PFKP: variants seen among roughly 807,000 people sequenced by gnomAD.
PFKP encodes ATP-dependent 6-phosphofructokinase, platelet type.
PFKP carries 101 observed loss-of-function variants against 94.3 expected under a neutral mutation model. The observed-to-expected ratio is 1.07, with a 90% CI of 0.91 to 1.26. PFKP has a LOEUF of 1.26. Among genes scored for constraint, PFKP ranks in the 50% most tolerant of loss-of-function variants. The probability of loss-of-function intolerance (pLI) is 0.00; values close to 1 mark genes in which losing one functional copy is unlikely to be tolerated. For missense variants in PFKP, 1,145 were observed against 1,103.3 expected (o/e 1.04, Z -0.53); for synonymous variants, 573 against 432.6 (o/e 1.32, Z -4.03).
Position 3,068,985 on chromosome 10 carries a change from C to T in PFKP, c.112+1278C>T, listed in dbSNP as rs1447270721. Among the ~76,000 whole-genome samples, 19 of 151,758 alleles carry T rather than the reference C, an allele frequency of 1.3e-4. No individual in the cohort carries two copies. In the East Asian group the frequency reaches 3.3e-3, roughly 27 times the overall value. On this transcript the variant is annotated intron_variant, in intron 1 of 21. Transcript: ENST00000381125. ...GACCTTCCCTTCGCCCTTGAGCGCG[C>T]GGGGCGGGCGCGGGTGCCGCAGGTT...
At chr10:3,069,623 T>G (rs1288465905) in intron 1 of PFKP, among the ~76,000 whole-genome samples, 1 of 152,142 alleles carries the variant, frequency 6.6e-6, no homozygotes. Context: ...TGGCTCATGC[T>G]TGTCATCCCA....
At chr10:3,111,776 G>A (rs924905901) in intron 10 of PFKP, among the ~76,000 whole-genome samples, 2 of 151,946 alleles carry the variant, frequency 1.3e-5, no homozygotes, top group African/African-American at 4.8e-5. Flanking sequence ...CTGCTCCCCC[G>A]CCCGCTGTGA....
At chr10:3,100,862 C>CAAAATA (rs754923021) in intron 3 of PFKP, 42 of 657,248 alleles carry the variant, frequency 6.4e-5, no homozygotes, top group African/African-American at 2.7e-4. Context: ...GTATGTGGTG[C>CAAAATA]AAAAAAAAAA....
intron 5 of PFKP, chr10:3,104,884 A>G (rs1477782527): frequency 4.9e-6 from 3 of 607,628 alleles, no homozygotes; most frequent in East Asian, 2.8e-5. Context: ...GAGAGCGCAG[A>G]GGTGGCTCAA....
chr10:3,110,343 T>C (rs1000980300), intron 10 of PFKP, among the ~76,000 whole-genome samples: 4 of 148,530 alleles, frequency 2.7e-5, no homozygotes, highest in Admixed American at 6.8e-5. Context: ...GGACTACAGG[T>C]GCCCACCACC....
Position 3,122,058 on chromosome 10 carries a change from A to G in PFKP, c.1683+2014A>G, listed in dbSNP as rs189897314. 2.8e-3 allele frequency among the ~76,000 whole-genome samples: 392 copies of G among 140,340 alleles called. 6 individuals are homozygous for G. The highest frequency in any genetic ancestry group is 0.023 in the Admixed American group (326 of 14,004). 92.1% of individuals were successfully genotyped at this position (140,340 alleles called of 152,430 possible). ...GCTGGTCTCAAAACGTCTGGGCTCA[A>G]GCAATCCCCCTGTCTTGGGCTCTCA... is the stretch of plus-strand genomic sequence containing the variant. On this transcript the variant is annotated intron_variant, in intron 16 of 21. Transcript: ENST00000381125.
intron 16 of PFKP, among the ~76,000 whole-genome samples, chr10:3,126,309 G>T (rs1217530333): frequency 1.3e-5 from 2 of 152,228 alleles, no homozygotes; most frequent in Non-Finnish European, 2.9e-5. Flanking sequence ...GCTTCTCCCT[G>T]TGTTCCCCAG....
rs115596284 is a variant in PFKP at position 3,082,525 on chromosome 10, G to A, written c.186+64G>A. 3.7e-3 allele frequency: 4,464 copies of A among 1,205,016 alleles called. 92 individuals carry two copies. The African/African-American group carries it at 0.052, about 14-fold the overall frequency. The allele number at this position is 1,205,016 out of a possible 1,614,324, so 74.6% of individuals were successfully genotyped here. A position where few individuals can be genotyped will look rare whatever the true frequency, so the allele number is the denominator to read the frequency against. ...ACCTGCCCAGAGCCCTGCAGTCACC[G>A]GCGCTCGCTCACCCCTGCCTCCCCC... On this transcript the variant is annotated intron_variant, in intron 2 of 21. Coordinates refer to ENST00000381125, the MANE Select transcript of PFKP (RefSeq NM_002627.5).
chr10:3,099,175 G>T, intron 2 of PFKP, 100 bp from the exon 3 acceptor site: 1 of 911,220 alleles, frequency 1.1e-6, no homozygotes, highest in South Asian at 1.4e-5. Flanking sequence ...CTGAGGAACT[G>T]ACATTCACTG....
intron 16 of PFKP, among the ~76,000 whole-genome samples, chr10:3,124,864 A>AGGCACCCCCTTTCAT (rs1426634368): frequency 6.6e-6 from 1 of 152,054 alleles, no homozygotes; most frequent in Non-Finnish European, 1.5e-5. Flanking sequence ...TGCTGCCTGC[A>AGGCACCCCCTTTCAT]GGCACCCCCT....
At chr10:3,131,437 G>T (rs1005219680) in intron 17 of PFKP, among the ~76,000 whole-genome samples, 3 of 152,148 alleles carry the variant, frequency 2.0e-5, no homozygotes, top group Non-Finnish European at 4.4e-5. Flanking sequence ...GGGCTTAAGA[G>T]AAATTATGAC....
intron 16 of PFKP, among the ~76,000 whole-genome samples, chr10:3,126,372 G>C (rs114314609): frequency 0.012 from 1,791 of 152,274 alleles, 41 homozygotes; most frequent in African/African-American, 0.042. Flanking sequence ...GGACTTCCTT[G>C]GGCCCCGCAC....
In PFKP at chr10:3,125,333, T is replaced by C. The variant is rs1837835886; in HGVS notation, c.1684-4486T>C. On this transcript the variant is annotated intron_variant, in intron 16 of 21. Coordinates refer to ENST00000381125, the MANE Select transcript of PFKP (RefSeq NM_002627.5). Reference sequence around the variant, plus strand: ...CTTCTGTGCTAAGGATGAGCCGGATTTATTCTTCTTCTTTTCTCCCCTTTG... The same window carrying C: ...CTTCTGTGCTAAGGATGAGCCGGATCTATTCTTCTTCTTTTCTCCCCTTTG... The C allele has an allele frequency of 5.0e-6, 5 of 992,124 alleles. No homozygotes were observed. The South Asian group carries it at 9.4e-5, about 19-fold the overall frequency. The allele number at this position is 992,124 out of a possible 1,614,324, so 61.5% of individuals were successfully genotyped here.
intron 12 of PFKP, 32 bp from the exon 13 acceptor site, chr10:3,113,340 G>T: frequency 6.3e-7 from 1 of 1,575,430 alleles, no homozygotes; most frequent in Non-Finnish European, 8.6e-7. Flanking sequence ...GTGTGCCCGT[G>T]ACCCAGCACT....
intron 17 of PFKP, among the ~76,000 whole-genome samples, chr10:3,131,354 CT>C (rs903146417): frequency 3.5e-5 from 5 of 144,024 alleles, no homozygotes; most frequent in African/African-American, 1.5e-4. Flanking sequence ...ACATATCCCC[CT>C]GTTACATGAC....
chr10:3,116,888 G>C, intron 14 of PFKP, 42 bp downstream of exon 14: 1 of 1,427,184 alleles, frequency 7.0e-7, no homozygotes, highest in South Asian at 1.1e-5. Context: ...TTTTAAGGAA[G>C]AAGGAAGAGC....
At chr10:3,097,125 C>G (rs149685107) in intron 2 of PFKP, among the ~76,000 whole-genome samples, 1 of 148,282 alleles carries the variant, frequency 6.7e-6, no homozygotes, top group Non-Finnish European at 1.5e-5. Flanking sequence ...TGGTAGAGAT[C>G]ACTGAAACTG....
intron 15 of PFKP, 138 bp downstream of exon 15, chr10:3,119,007 T>C: frequency 1.6e-6 from 1 of 631,876 alleles, no homozygotes; most frequent in Non-Finnish European, 2.8e-6. Context: ...TGGAGAATTG[T>C]AGAACAGCAG....
At chr10:3,107,692 G>A (rs1344916529) in intron 8 of PFKP, 1 of 968,150 alleles carries the variant, frequency 1.0e-6, no homozygotes, top group Non-Finnish European at 1.2e-6. Context: ...GGAAAAGGCG[G>A]CGTCTTGCTA....
Sources: gnomAD v4.1 joint callset for allele counts (sites outside exome capture counted in the v4.1 genomes callset) on GRCh38, gnomAD v4.1.1 for gene constraint, MANE v1.5 for transcripts, NCBI Gene and HGNC (gene_info 2026-07-23, HGNC 2026-07-21) for gene names.